IFT140: variants seen among roughly 807,000 people sequenced by gnomAD.
IFT140 encodes intraflagellar transport 140.
A neutral mutation model predicts 164.6 loss-of-function variants in IFT140; 133 were observed. The ratio of observed to expected loss-of-function variants is 0.81; its 90% confidence interval spans 0.70 to 0.93. The LOEUF (loss-of-function observed/expected upper bound fraction) is 0.93. Ranked by LOEUF, IFT140 falls within the 40% of genes least tolerant of loss-of-function variation. The probability of loss-of-function intolerance (pLI) is 0.00; values close to 1 mark genes in which losing one functional copy is unlikely to be tolerated. For missense variants in IFT140, 2,045 were observed against 1,972.3 expected (o/e 1.04, Z -0.70); for synonymous variants, 860 against 817.3 (o/e 1.05, Z -0.89).
chr16:1,557,666 A>C, intron 19 of IFT140: 2 of 462,648 alleles, frequency 4.3e-6, no homozygotes, highest in East Asian at 3.9e-5. Flanking sequence ...AGGGATGGGT[A>C]TTATAGATGT....
chr16:1,528,848 T>A (rs2030120407), intron 19 of IFT140: 1 of 152,244 alleles, frequency 6.6e-6, no homozygotes, highest in Non-Finnish European at 1.5e-5. Flanking sequence ...CTAACGGCCC[T>A]GCCCCTGTGA....
At chr16:1,514,097 G>A (rs111419473) in intron 30 of IFT140, among the ~76,000 whole-genome samples, 15 of 151,466 alleles carry the variant, frequency 9.9e-5, no homozygotes, top group South Asian at 2.1e-4. Context: ...GGCCAGGTGC[G>A]GTACCTCACG....
intron 14 of IFT140, among the ~76,000 whole-genome samples, chr16:1,568,641 G>T (rs2141600358): frequency 6.6e-6 from 1 of 152,242 alleles, no homozygotes; most frequent in Admixed American, 6.5e-5. Context: ...CAGCACTTTG[G>T]GAGGGTGAGG....
chr16:1,607,109 T>C lies in IFT140; in HGVS notation c.147+11A>G. ...CTACCACAGTCAGGCTCCTTGCTTC[T>C]GAGCACTCACTTGCTCCAGGTAAAT... On this transcript the variant is annotated intron_variant, in intron 3 of 30. Transcript: ENST00000426508. 6.2e-7 allele frequency: 1 copy of C among 1,613,466 alleles called. No homozygotes were observed. The highest frequency in any genetic ancestry group is 1.1e-5 in the South Asian group (1 of 90,998).
At chr16:1,586,405 C>A (rs2034882379) in intron 9 of IFT140, 130 bp from the exon 10 acceptor site, 1 of 891,534 alleles carries the variant, frequency 1.1e-6, no homozygotes, top group East Asian at 2.7e-5. Flanking sequence ...CCACCTCATC[C>A]CTGGCTGCAT....
intron 3 of IFT140, among the ~76,000 whole-genome samples, chr16:1,604,139 T>C (rs2035930327): frequency 6.6e-6 from 1 of 152,202 alleles, no homozygotes; most frequent in South Asian, 2.1e-4. Flanking sequence ...CCCAAAAAAA[T>C]GGGCAAAAGT....
chr16:1,539,182 C>T (rs1482849800), intron 19 of IFT140, among the ~76,000 whole-genome samples: 5 of 151,334 alleles, frequency 3.3e-5, no homozygotes, highest in African/African-American at 4.9e-5. Flanking sequence ...CGCCGCCCCA[C>T]GCCTTGGGCC....
At chr16:1,593,484 G>C (rs989122490) in intron 4 of IFT140, among the ~76,000 whole-genome samples, 1 of 151,954 alleles carries the variant, frequency 6.6e-6, no homozygotes, top group East Asian at 1.9e-4. Context: ...GCTAATTTTT[G>C]TATTTTTAGT....
intron 5 of IFT140, 60 bp downstream of exon 5, chr16:1,592,407 G>A (rs2035226302): frequency 1.5e-5 from 24 of 1,610,204 alleles, no homozygotes; most frequent in South Asian, 3.3e-5. Context: ...GGAGCAGCCC[G>A]CTTCCCACCT....
intron 4 of IFT140, among the ~76,000 whole-genome samples, chr16:1,593,379 T>C (rs945596882): frequency 2.6e-5 from 4 of 151,796 alleles, no homozygotes; most frequent in African/African-American, 9.7e-5. Flanking sequence ...TGGTGTGGTC[T>C]CGGCTCACTG....
intron 11 of IFT140, 22 bp from the exon 12 acceptor site, chr16:1,583,408 C>T (rs753478079): frequency 2.1e-5 from 34 of 1,611,822 alleles, no homozygotes; most frequent in East Asian, 6.7e-5. Context: ...CACGGACATT[C>T]GAGGCAAAGG....
rs2032978319 is a variant in IFT140, at chr16:1,555,038, C to T, written c.2399+2897G>A. On this transcript the variant is annotated intron_variant, in intron 19 of 30. Coordinates refer to ENST00000426508, the MANE Select transcript of IFT140 (RefSeq NM_014714.4). ...AGTCACCATGCTGAGTCGCCCTTCT[C>T]AGCGCTCCATCAACGCACACCTGCT... 3 of 1,601,552 alleles carry T rather than the reference C, an allele frequency of 1.9e-6. No individual in the cohort carries two copies. In the African/African-American group the frequency reaches 4.0e-5, roughly 21 times the overall value.
chr16:1,530,479 G>A (rs1315561741), intron 19 of IFT140, among the ~76,000 whole-genome samples: 2 of 152,142 alleles, frequency 1.3e-5, no homozygotes, highest in South Asian at 2.1e-4. Flanking sequence ...ACCCTCTCCC[G>A]AGGCCCAGGT....
chr16:1,534,723 G>GCTCT (rs1172057617), intron 19 of IFT140, among the ~76,000 whole-genome samples: 1 of 152,206 alleles, frequency 6.6e-6, no homozygotes, highest in Non-Finnish European at 1.5e-5. Context: ...CAGGGAACCA[G>GCTCT]GCCCCAAGGC....
At chr16:1,526,888 G>C (rs2040718602) in intron 19 of IFT140, 92 bp from the exon 20 acceptor site, 1 of 1,379,942 alleles carries the variant, frequency 7.2e-7, no homozygotes, top group Admixed American at 2.5e-5. Context: ...GTAGTCATCA[G>C]GCACAGCTGC....
chr16:1,513,139 C>T (rs1212125565), intron 30 of IFT140: 1 of 152,202 alleles, frequency 6.6e-6, no homozygotes, highest in East Asian at 1.9e-4. Flanking sequence ...GGCATAGCTG[C>T]AGGGTCTGAC....
rs12596867 is a variant in IFT140 at position 1,564,255 on chromosome 16, T to C, written c.1902-93A>G. The C allele has an allele frequency of 1.1e-3, 1,213 of 1,151,638 alleles. 30 individuals are homozygous for C. The East Asian group carries it at 0.029, about 28-fold the overall frequency. 71.3% of individuals were successfully genotyped at this position (1,151,638 alleles called of 1,614,324 possible). A position where few individuals can be genotyped will look rare whatever the true frequency, so the allele number is the denominator to read the frequency against. On this transcript the variant is annotated intron_variant, in intron 16 of 30. Transcript: ENST00000426508. The surrounding 1 kb of genome is among the most constrained non-coding windows in gnomAD (Gnocchi z 5.5). ...ACACATTCCCGAAGCCTCCAGGTGC[T>C]GTCCCAGACCATGGTGTCCACGCGC...
At chr16:1,525,199 G>A (rs1464978431) in intron 22 of IFT140, 32 bp downstream of exon 22, 5 of 1,524,158 alleles carry the variant, frequency 3.3e-6, no homozygotes, top group East Asian at 2.3e-5. Flanking sequence ...AGGATGGAGT[G>A]CGGTCCCACC....
intron 19 of IFT140, chr16:1,542,206 C>A: frequency 9.6e-7 from 1 of 1,045,168 alleles, no homozygotes; most frequent in South Asian, 1.8e-5. Context: ...TGGCCACAGG[C>A]CACTGAGAAG....
Sources: gnomAD v4.1 joint callset for allele counts (sites outside exome capture counted in the v4.1 genomes callset) on GRCh38, gnomAD v4.1.1 for gene constraint, Gnocchi (gnomAD v3.1) non-coding constraint, MANE v1.5 for transcripts, NCBI Gene and HGNC (gene_info 2026-07-23, HGNC 2026-07-21) for gene names.